Variants in SANBR observed in about 807,000 individuals in gnomAD.
SANBR encodes SANT and BTB domain regulator of CSR.
A neutral mutation model predicts 101.8 loss-of-function variants in SANBR; 77 were observed. The observed-to-expected ratio is 0.76, with a 90% CI of 0.63 to 0.91. The LOEUF (loss-of-function observed/expected upper bound fraction) is 0.91, where lower values mean the gene tolerates loss of function less well. Among genes scored for constraint, SANBR ranks in the 40% least tolerant of loss-of-function variants. SANBR has a pLI of 0.00. For missense variants in SANBR, 875 were observed against 853.0 expected (o/e 1.03, Z -0.32); for synonymous variants, 279 against 274.7 (o/e 1.02, Z -0.15).
chr2:61,136,613 A>G, intron 21 of SANBR, among the ~76,000 whole-genome samples: 1 of 151,334 alleles, frequency 6.6e-6, no homozygotes, highest in Non-Finnish European at 1.5e-5. Flanking sequence ...TGGGCGACAG[A>G]GCGAGACTAT....
At chr2:61,131,393 A>G (rs1379184656) in intron 20 of SANBR, among the ~76,000 whole-genome samples, 2 of 152,254 alleles carry the variant, frequency 1.3e-5, no homozygotes. Flanking sequence ...TTATTTCTAT[A>G]TAGTAGCAAT....
intron 1 of SANBR, chr2:61,066,281 AC>A (rs1487070415): frequency 3.3e-5 from 5 of 152,310 alleles, no homozygotes; most frequent in Non-Finnish European, 7.3e-5. Flanking sequence ...AGCGGCGGGA[AC>A]CCCAGCTTCT....
chr2:61,085,370 C>A (rs1682368046), intron 8 of SANBR, among the ~76,000 whole-genome samples: 1 of 151,990 alleles, frequency 6.6e-6, no homozygotes, highest in African/African-American at 2.4e-5. Context: ...CTAGTTGACA[C>A]AATACCATAT....
intron 16 of SANBR, among the ~76,000 whole-genome samples, chr2:61,110,389 C>A (rs1683771680): frequency 1.4e-5 from 2 of 146,876 alleles, no homozygotes; most frequent in Admixed American, 6.8e-5. Context: ...TCTAAAAATA[C>A]AAAAATTAGG....
At chr2:61,085,094 G>A (rs910996744) in intron 8 of SANBR, among the ~76,000 whole-genome samples, 5 of 152,118 alleles carry the variant, frequency 3.3e-5, no homozygotes, top group African/African-American at 1.2e-4. Context: ...ATTCAAGTGG[G>A]ATGGCAAGTA....
rs954202835 is a variant in SANBR, at chr2:61,076,938, T to C, written c.450T>C (p.His150=). The C allele has an allele frequency of 3.1e-6, 5 of 1,613,190 alleles. No homozygotes were observed. The highest frequency in any genetic ancestry group is 1.7e-5 in the Admixed American group (1 of 60,008). ...TATGAAGGCCAAACATGGTGATCCATGTGTGTGATGAAGCAAAAAACTTGA... is the reference window on the plus strand; with the variant it reads ...TATGAAGGCCAAACATGGTGATCCACGTGTGTGATGAAGCAAAAAACTTGA... ...EESEGPNMVI[H]VCDEAKNLKE... Residue 150 remains histidine, a synonymous_variant, in exon 6 of 22, where the codon CAT becomes CAC. Coordinates refer to ENST00000402291, the MANE Select transcript of SANBR (RefSeq NM_001129993.3).
intron 8 of SANBR, among the ~76,000 whole-genome samples, chr2:61,083,618 C>G (rs1287292496): frequency 1.3e-5 from 2 of 151,940 alleles, no homozygotes; most frequent in Non-Finnish European, 2.9e-5. Flanking sequence ...GCTTGTAATC[C>G]CAGCACTTTG....
At chr2:61,135,010 T>C (rs1399287183) in intron 21 of SANBR, among the ~76,000 whole-genome samples, 2 of 151,876 alleles carry the variant, frequency 1.3e-5, no homozygotes, top group Non-Finnish European at 2.9e-5. Flanking sequence ...GCCAACATGG[T>C]GAAACTCCGT....
chr2:61,122,520 A>G lies in SANBR; in HGVS notation c.*358A>G, dbSNP rs1035677958. 9.8e-7 allele frequency: 1 copy of G among 1,015,982 alleles called. No individual in the cohort carries two copies. The highest frequency in any genetic ancestry group is 1.2e-6 in the Non-Finnish European group (1 of 850,004). 62.9% of individuals were successfully genotyped at this position (1,015,982 alleles called of 1,614,324 possible). ...TTAAGACCTTAAAAGTTAGGGGAAC[A>G]CAACTGGTAGTGTTACCATGCATGG... On this transcript the variant is annotated 3_prime_UTR_variant, in exon 22 of 22. Coordinates refer to ENST00000402291, the MANE Select transcript of SANBR (RefSeq NM_001129993.3).
Position 61,122,262 on chromosome 2 carries a change from T to G in SANBR, c.*100T>G, listed in dbSNP as rs1684362093. 1 of 1,403,836 alleles carries G rather than the reference T, an allele frequency of 7.1e-7. No homozygotes were observed. The allele number at this position is 1,403,836 out of a possible 1,614,324, so 87.0% of individuals were successfully genotyped here. A position where few individuals can be genotyped will look rare whatever the true frequency, so the allele number is the denominator to read the frequency against. On this transcript the variant is annotated 3_prime_UTR_variant, in exon 22 of 22. Coordinates refer to ENST00000402291, the MANE Select transcript of SANBR (RefSeq NM_001129993.3). ...TTCAGAACAATGACTTCCAACTGTT[T>G]TATGTTATTATTATTTTAATCCACA...
chr2:61,087,717 C>A (rs1157853725), intron 8 of SANBR, among the ~76,000 whole-genome samples: 1 of 151,828 alleles, frequency 6.6e-6, no homozygotes, highest in African/African-American at 2.4e-5. Flanking sequence ...TGGGCATGGT[C>A]ATGCACACCT....
intron 9 of SANBR, 52 bp from the exon 10 acceptor site, chr2:61,088,306 C>T (rs1682553528): frequency 2.2e-5 from 35 of 1,565,676 alleles, no homozygotes; most frequent in Middle Eastern, 1.7e-4. Context: ...CTTTAATTTA[C>T]TACATTTACA....
At chr2:61,105,209 C>G (rs146654482) in intron 13 of SANBR, among the ~76,000 whole-genome samples, 1 of 151,928 alleles carries the variant, frequency 6.6e-6, no homozygotes, top group African/African-American at 2.4e-5. Context: ...GGTGAAACCC[C>G]GTCTGTACTA....
Position 61,103,961 on chromosome 2 carries a change from G to T in SANBR, c.1474G>T (p.Asp492Tyr). 1 of 1,614,162 alleles carries T rather than the reference G, an allele frequency of 6.2e-7. No homozygotes were observed. The highest frequency in any genetic ancestry group is 8.5e-7 in the Non-Finnish European group (1 of 1,179,996). The change falls in exon 13 of 22, where the codon GAT (aspartate) becomes TAT (tyrosine). Residue 492 changes from aspartate (D) to tyrosine (Y), a missense_variant. Physicochemically the swap from Asp to Tyr is radical, Grantham distance 160 (BLOSUM62 -3). Coordinates refer to ENST00000402291, the MANE Select transcript of SANBR (RefSeq NM_001129993.3). ...RMLDDLHKYR[D>Y]VIVVPFSKDT... is the part of the protein sequence containing the mutation. ...GTTGGACGATTTGCACAAGTACAGAGATGTCATTGTTGTGCCTTTTTCAAA... is the reference window on the plus strand; with the variant it reads ...GTTGGACGATTTGCACAAGTACAGATATGTCATTGTTGTGCCTTTTTCAAA...
In SANBR at chr2:61,116,053, GAA is replaced by G. The variant is rs1209070882; in HGVS notation, c.1822_1823del (p.Lys608GlyfsTer8). Reference protein sequence around the residue: ...QVSSPCAQRKEKALEKSASRD... With the variant: ...QVSSPCAQRKXKALEKSASRD... Reference sequence around the variant, plus strand: ...ATCTTCACCCTGTGCCCAGAGGAAAGAAAAGGCATTGGAGAAGGTAACTCTGA... The same window carrying G: ...ATCTTCACCCTGTGCCCAGAGGAAAGAAGGCATTGGAGAAGGTAACTCTGA... On this transcript the variant is annotated frameshift_variant, in exon 17 of 22. Coordinates refer to ENST00000402291, the MANE Select transcript of SANBR (RefSeq NM_001129993.3). LOFTEE classifies it high-confidence loss of function. The G allele has an allele frequency of 6.2e-7, 1 of 1,608,014 alleles. No individual in the cohort carries two copies. Among genetic ancestry groups the G allele is most frequent in the Non-Finnish European group, 8.5e-7 (1 of 1,177,742 alleles).
intron 14 of SANBR, among the ~76,000 whole-genome samples, chr2:61,106,913 C>T (rs1683600628): frequency 1.3e-5 from 2 of 152,174 alleles, no homozygotes; most frequent in Admixed American, 6.5e-5. Flanking sequence ...ACCTGTAATC[C>T]CAGCACTTTG....
intron 16 of SANBR, among the ~76,000 whole-genome samples, chr2:61,109,841 C>T (rs1401930237): frequency 1.3e-5 from 2 of 151,720 alleles, no homozygotes; most frequent in African/African-American, 2.4e-5. Context: ...TTAATAGAGA[C>T]GGGGTTTCAC....
rs72883013 is a variant in SANBR at position 61,111,847 on chromosome 2, G to A, written c.1744+2551G>A. Among the ~76,000 whole-genome samples, 951 of 152,254 alleles carry A rather than the reference G, an allele frequency of 6.2e-3. 14 individuals carry two copies. The highest frequency in any genetic ancestry group is 0.021 in the African/African-American group (879 of 41,548). ...TTCTTTCACTTAGTATGAGGTTTTT[G>A]AGATTCATCCATATTATTGCATGTG... On this transcript the variant is annotated intron_variant, in intron 16 of 21. Transcript: ENST00000402291.
chr2:61,104,002 A>AG lies in SANBR; in HGVS notation c.1511+8dup, dbSNP rs1683417973. 2 of 1,613,590 alleles carry AG rather than the reference A, an allele frequency of 1.2e-6. No homozygotes were observed. Among genetic ancestry groups the AG allele is most frequent in the Non-Finnish European group, 1.7e-6 (2 of 1,179,692 alleles). ...CTTTTTCAAAAGATACAGTTAGGTG[A>AG]GGGGTGGAAAAACCCAACACTGTAT... On this transcript the variant is annotated splice_donor_region_variant and intron_variant, in intron 13 of 21. Coordinates refer to ENST00000402291, the MANE Select transcript of SANBR (RefSeq NM_001129993.3).
Sources: allele counts gnomAD v4.1 joint callset (sites outside exome capture counted in the v4.1 genomes callset), GRCh38; gene constraint gnomAD v4.1.1; transcripts MANE v1.5; gene names NCBI Gene and HGNC (gene_info 2026-07-23, HGNC 2026-07-21).